The following CNTN6 variants were observed in gnomAD, a reference collection of about 807,000 sequenced individuals.
CNTN6 encodes the protein contactin 6.
Under a neutral mutation model 122.8 loss-of-function variants are expected in CNTN6, and 137 were observed. The ratio of observed to expected loss-of-function variants is 1.12; its 90% CI spans 0.97 to 1.29. The LOEUF (loss-of-function observed/expected upper bound fraction) is 1.29, where lower values mean the gene tolerates loss of function less well. CNTN6 is among the 50% of genes most tolerant of loss of function. The probability of loss-of-function intolerance (pLI) is 0.00; values close to 1 mark genes in which losing one functional copy is unlikely to be tolerated. For missense variants in CNTN6, 1,634 were observed against 1,223.4 expected, an observed-to-expected ratio of 1.34 and a Z score of -5.01; for synonymous variants, 570 against 426.0, an observed-to-expected ratio of 1.34 and a Z score of -4.16.
At chr3:1,243,791 T>C (rs896364258) in intron 4 of CNTN6, among the ~76,000 whole-genome samples, 56 of 151,770 alleles carry the variant, frequency 3.7e-4, no homozygotes, top group Non-Finnish European at 7.4e-5. Flanking sequence ...GAGGGGAGGC[T>C]GAGGAAGTAT....
chr3:1,288,657 A>G (rs929724363), intron 5 of CNTN6, among the ~76,000 whole-genome samples: 10 of 152,228 alleles, frequency 6.6e-5, no homozygotes, highest in African/African-American at 1.4e-4. Context: ...TAAAGTGCCA[A>G]TAGAAGTTGT....
intron 4 of CNTN6, among the ~76,000 whole-genome samples, chr3:1,264,805 C>A (rs1365847569): frequency 6.6e-6 from 1 of 152,112 alleles, no homozygotes; most frequent in Non-Finnish European, 1.5e-5. Context: ...ATCACTAAAG[C>A]TTTTTCTTCC....
intron 4 of CNTN6, among the ~76,000 whole-genome samples, chr3:1,264,247 A>G (rs1374366551): frequency 6.6e-6 from 1 of 152,160 alleles, no homozygotes; most frequent in East Asian, 1.9e-4. Flanking sequence ...ACCTGTACAC[A>G]TTTTGTGGAA....
In CNTN6 at chr3:1,401,522, G is replaced by A. The variant is rs1236186422; in HGVS notation, c.2794G>A (p.Glu932Lys). 2 of 1,611,048 alleles carry A rather than the reference G, an allele frequency of 1.2e-6. No homozygotes were observed. The highest frequency in any genetic ancestry group is 1.7e-6 in the Non-Finnish European group (2 of 1,178,122). The change falls in exon 21 of 23, where the codon GAG becomes AAG. Residue 932 changes from glutamate to lysine, a missense_variant. By Grantham distance (56) the Glu-to-Lys change is moderately conservative. Transcript: ENST00000446702. The stretch of plus-strand genomic sequence containing the variant: ...GGAGCATGTAAAAACCATGGAAAAT[G>A]AGTCTGAAGTTTTGGGGTACAAGGT... ...NWEHVKTMEN[E>K]SEVLGYKILY...
rs560947182 is a variant in CNTN6, at chr3:1,385,028, A to G, written c.2518-583A>G. On this transcript the variant is annotated intron_variant, in intron 19 of 22. Transcript: ENST00000446702. Reference sequence around the variant, plus strand: ...CAAATTCTTGTAGCATATTTTTTCTATACCACTTCTTTGCAATGCATTCTG... The same window carrying G: ...CAAATTCTTGTAGCATATTTTTTCTGTACCACTTCTTTGCAATGCATTCTG... 4.6e-5 allele frequency among the ~76,000 whole-genome samples: 7 copies of G among 151,968 alleles called. No individual in the cohort carries two copies. The East Asian group carries it at 1.2e-3, about 25-fold the overall frequency.
At chr3:1,393,556 A>T (rs1213435408) in intron 20 of CNTN6, among the ~76,000 whole-genome samples, 4 of 20,142 alleles carry the variant, frequency 2.0e-4, no homozygotes, top group Admixed American at 6.5e-4. Flanking sequence ...TTAAAGAAGT[A>T]AAAAAAAAAA....
intron 4 of CNTN6, among the ~76,000 whole-genome samples, chr3:1,245,582 G>C (rs915455409): frequency 7.9e-5 from 12 of 151,088 alleles, no homozygotes; most frequent in African/African-American, 2.9e-4. Context: ...ATTGGGTACA[G>C]TGTACGTGGC....
chr3:1,148,075 T>C lies in CNTN6; in HGVS notation c.55+12T>C. On this transcript the variant is annotated intron_variant, in intron 2 of 22. Coordinates refer to ENST00000446702, the MANE Select transcript of CNTN6 (RefSeq NM_001289080.2). ...AAACTCTTCTGCAGGTAAAGTGTTCTATTATTATAAGTTTTGATTGATAAA... is the reference window on the plus strand; with the variant it reads ...AAACTCTTCTGCAGGTAAAGTGTTCCATTATTATAAGTTTTGATTGATAAA... 1 of 1,597,030 alleles carries C rather than the reference T, an allele frequency of 6.3e-7. No homozygotes were observed. The highest frequency in any genetic ancestry group is 8.6e-7 in the Non-Finnish European group (1 of 1,166,458).
intron 2 of CNTN6, among the ~76,000 whole-genome samples, chr3:1,196,916 A>G (rs1156802463): frequency 6.6e-6 from 1 of 152,184 alleles, no homozygotes. Flanking sequence ...TAGAGTTCCC[A>G]TATGTCTATC....
At position 1,379,410 on chromosome 3, in the gene CNTN6, G is replaced by A. The variant is rs138455286; in HGVS notation, c.2166+2335G>A. Reference sequence around the variant, plus strand: ...TCTGGTAGCAACAATAGACGCTAGCGTCTGCTAGAGTGACGAGAGGAAGGG... The same window carrying A: ...TCTGGTAGCAACAATAGACGCTAGCATCTGCTAGAGTGACGAGAGGAAGGG... On this transcript the variant is annotated intron_variant, in intron 17 of 22. Coordinates refer to ENST00000446702, the MANE Select transcript of CNTN6 (RefSeq NM_001289080.2). Among the ~76,000 whole-genome samples the A allele has an allele frequency of 6.6e-5, 10 of 152,154 alleles. No homozygotes were observed. In the South Asian group the frequency reaches 8.3e-4, roughly 13 times the overall value.
chr3:1,245,928 C>A (rs1293807142), intron 4 of CNTN6, among the ~76,000 whole-genome samples: 3 of 151,276 alleles, frequency 2.0e-5, no homozygotes, highest in Non-Finnish European at 4.4e-5. Flanking sequence ...AAAAAAATTG[C>A]AAAAAAATCT....
intron 4 of CNTN6, among the ~76,000 whole-genome samples, chr3:1,236,289 C>T (rs1241165213): frequency 6.6e-6 from 1 of 152,114 alleles, no homozygotes; most frequent in Non-Finnish European, 1.5e-5. Flanking sequence ...AACACAAAAC[C>T]AGCGCTAAAC....
At chr3:1,112,873 GA>G (rs2091545600) in intron 1 of CNTN6, among the ~76,000 whole-genome samples, 1 of 152,134 alleles carries the variant, frequency 6.6e-6, no homozygotes, top group Non-Finnish European at 1.5e-5. Context: ...GAAGTGAGAG[GA>G]AGTTGTATTG....
chr3:1,323,094 A>G (rs184420430), intron 8 of CNTN6, among the ~76,000 whole-genome samples: 22 of 151,914 alleles, frequency 1.4e-4, no homozygotes, highest in Middle Eastern at 3.4e-3. Flanking sequence ...CTGGAAATCA[A>G]TAATAAAGTA....
intron 11 of CNTN6, among the ~76,000 whole-genome samples, chr3:1,342,435 TTC>T (rs1284665368): frequency 1.3e-5 from 2 of 152,178 alleles, no homozygotes; most frequent in African/African-American, 4.8e-5. Context: ...GCCTGTCTGT[TTC>T]TTTTATAAGC....
At chr3:1,246,451 T>C (rs1486754149) in intron 4 of CNTN6, among the ~76,000 whole-genome samples, 1 of 152,192 alleles carries the variant, frequency 6.6e-6, no homozygotes, top group Admixed American at 6.5e-5. Context: ...TTTACTGTTA[T>C]TGGAAAATTG....
chr3:1,118,093 T>C (rs1257305370), intron 1 of CNTN6, among the ~76,000 whole-genome samples: 1 of 152,186 alleles, frequency 6.6e-6, no homozygotes, highest in Non-Finnish European at 1.5e-5. Context: ...GATTAAATTA[T>C]ATGCTCCGTA....
At chr3:1,345,982 ATT>A (rs78447390) in intron 11 of CNTN6, among the ~76,000 whole-genome samples, 8 of 144,632 alleles carry the variant, frequency 5.5e-5, no homozygotes, top group Admixed American at 1.4e-4. Flanking sequence ...CGATGACCTG[ATT>A]TTTTTTTTTT....
At chr3:1,206,771 T>C (rs1375599829) in intron 2 of CNTN6, among the ~76,000 whole-genome samples, 1 of 152,178 alleles carries the variant, frequency 6.6e-6, no homozygotes, top group Non-Finnish European at 1.5e-5. Flanking sequence ...TCTTCCACAT[T>C]GCTAAATGCA....
Sources: allele counts gnomAD v4.1 joint callset (sites outside exome capture counted in the v4.1 genomes callset), GRCh38; gene constraint gnomAD v4.1.1; transcripts MANE v1.5; gene names NCBI Gene and HGNC (gene_info 2026-07-23, HGNC 2026-07-21).